FDFT1: variants seen among roughly 807,000 people sequenced by gnomAD.
FDFT1 encodes squalene synthase.
FDFT1 carries 68 observed loss-of-function variants against 46.8 expected under a neutral mutation model. The observed-to-expected ratio is 1.45, with a 90% CI of 1.19 to 1.78. FDFT1 has a LOEUF of 1.78. Ranked by LOEUF, FDFT1 falls within the 40% of genes most tolerant of loss-of-function variation. The pLI, the probability that FDFT1 is intolerant of heterozygous loss-of-function variation, is 0.00. For missense variants in FDFT1, 928 were observed against 524.4 expected (o/e 1.77, Z -7.52); for synonymous variants, 351 against 185.1 (o/e 1.90, Z -7.28).
intron 1 of FDFT1, chr8:11,808,354 G>C: frequency 8.1e-7 from 1 of 1,235,042 alleles, no homozygotes; most frequent in Non-Finnish European, 1.0e-6. Flanking sequence ...CGCCGGTGCG[G>C]AGCGGGAGGC....
At chr8:11,836,567 TTC>T (rs1248923320) in intron 7 of FDFT1, among the ~76,000 whole-genome samples, 2 of 152,252 alleles carry the variant, frequency 1.3e-5, no homozygotes, top group Non-Finnish European at 2.9e-5. Context: ...CCTTCCTGCC[TTC>T]TGTTTCACTT....
intron 3 of FDFT1, among the ~76,000 whole-genome samples, chr8:11,817,226 A>T (rs527719571): frequency 6.6e-6 from 1 of 152,294 alleles, no homozygotes; most frequent in South Asian, 2.1e-4. Flanking sequence ...AGCCGACTTG[A>T]TCGTGGTGGA....
chr8:11,802,695 CG>C (rs1646776629), upstream of FDFT1: 1 of 671,090 alleles, frequency 1.5e-6, no homozygotes, highest in Non-Finnish European at 2.5e-6. Context: ...GAGCGGCGGG[CG>C]GGGCGTCGCC....
intron 1 of FDFT1, chr8:11,803,681 G>A (rs1165118425): frequency 3.2e-6 from 1 of 312,094 alleles, no homozygotes; most frequent in Non-Finnish European, 5.6e-6. Flanking sequence ...GACCAGCCTG[G>A]CTGATTTCTG....
chr8:11,809,288 C>G (rs760554389), intron 2 of FDFT1: 15 of 1,095,718 alleles, frequency 1.4e-5, no homozygotes, highest in Admixed American at 4.7e-5. Flanking sequence ...GACCAGTTGC[C>G]TTTATGTATG....
chr8:11,819,795 T>C (rs1245960540), intron 3 of FDFT1, among the ~76,000 whole-genome samples: 2 of 152,124 alleles, frequency 1.3e-5, no homozygotes, highest in African/African-American at 2.4e-5. Flanking sequence ...CAGAACGTGC[T>C]GCTTTAGCTT....
rs1468805432 is a variant in FDFT1 at position 11,824,824 on chromosome 8, C to T, written c.511-1200C>T. 2.6e-5 allele frequency among the ~76,000 whole-genome samples: 4 copies of T among 152,126 alleles called. No individual in the cohort carries two copies. The East Asian group carries it at 5.8e-4, about 22-fold the overall frequency. On this transcript the variant is annotated intron_variant, in intron 4 of 7. Coordinates refer to ENST00000220584, the MANE Select transcript of FDFT1 (RefSeq NM_004462.5). Reference sequence around the variant, plus strand: ...GATCTCGGCTCCCTGCAAGCTCCACCTCCTGGGTTCACGCCATTCTCCTGC... The same window carrying T: ...GATCTCGGCTCCCTGCAAGCTCCACTTCCTGGGTTCACGCCATTCTCCTGC...
intron 5 of FDFT1, among the ~76,000 whole-genome samples, chr8:11,826,810 C>G (rs532162709): frequency 3.6e-4 from 55 of 152,200 alleles, no homozygotes; most frequent in African/African-American, 1.3e-3. Context: ...GTGAGACTCC[C>G]TCTCAAAAGA....
intron 4 of FDFT1, among the ~76,000 whole-genome samples, chr8:11,822,616 C>G (rs1249221753): frequency 1.3e-5 from 2 of 152,092 alleles, no homozygotes; most frequent in African/African-American, 2.4e-5. Context: ...GAGTTAGACA[C>G]AAGCCTAAGC....
intron 1 of FDFT1, among the ~76,000 whole-genome samples, chr8:11,804,460 C>T (rs1806549396): frequency 6.6e-6 from 1 of 151,902 alleles, no homozygotes. Context: ...TAATATGGTG[C>T]AGTATTTGTT....
At chr8:11,808,592 G>A (rs1342789636) in intron 1 of FDFT1, 2 of 1,386,518 alleles carry the variant, frequency 1.4e-6, no homozygotes, top group African/African-American at 1.5e-5. Context: ...CCGCCGCGGC[G>A]CCCAGGGGCC....
chr8:11,803,177 G>C (rs1041144896), intron 1 of FDFT1: 13 of 1,419,346 alleles, frequency 9.2e-6, no homozygotes, highest in African/African-American at 1.4e-5. Context: ...GTGGTTCCCG[G>C]TGGTTGCGCT....
intron 3 of FDFT1, among the ~76,000 whole-genome samples, chr8:11,821,479 T>A (rs1809235297): frequency 6.6e-6 from 1 of 152,138 alleles, no homozygotes; most frequent in Non-Finnish European, 1.5e-5. Context: ...TAATGCCAGC[T>A]CCTGGAGAGG....
At chr8:11,835,188 C>A (rs1358721220) in intron 7 of FDFT1, among the ~76,000 whole-genome samples, 1 of 152,210 alleles carries the variant, frequency 6.6e-6, no homozygotes, top group Non-Finnish European at 1.5e-5. Flanking sequence ...CGGCTATGAC[C>A]TGTCCTTGAC....
intron 4 of FDFT1, among the ~76,000 whole-genome samples, chr8:11,824,844 TCCTG>T (rs1324467805): frequency 6.6e-6 from 1 of 152,172 alleles, no homozygotes; most frequent in African/African-American, 2.4e-5. Flanking sequence ...CACGCCATTC[TCCTG>T]CCTTAGCCTT....
chr8:11,808,122 C>G, intron 1 of FDFT1: 4 of 392,360 alleles, frequency 1.0e-5, no homozygotes, highest in Non-Finnish European at 1.4e-5. Context: ...GGATTCTGGT[C>G]AAATCAATTT....
At chr8:11,819,829 T>G (rs1808974700) in intron 3 of FDFT1, among the ~76,000 whole-genome samples, 2 of 152,122 alleles carry the variant, frequency 1.3e-5, no homozygotes. Context: ...ATTACCAACC[T>G]TCTGAAGCCT....
chr8:11,818,503 T>C (rs1808774326), intron 3 of FDFT1, among the ~76,000 whole-genome samples: 1 of 152,204 alleles, frequency 6.6e-6, no homozygotes, highest in African/African-American at 2.4e-5. Flanking sequence ...TTTAAGTCTT[T>C]TTCTAGGTCT....
At chr8:11,809,888 G>A (rs1171633683) in intron 3 of FDFT1, 38 bp downstream of exon 3, 2 of 1,511,444 alleles carry the variant, frequency 1.3e-6, no homozygotes, top group Non-Finnish European at 1.8e-6. Context: ...GGACTGTTGT[G>A]TTCATAATTG....
Sources: gnomAD v4.1 joint callset for allele counts (sites outside exome capture counted in the v4.1 genomes callset) on GRCh38, gnomAD v4.1.1 for gene constraint, MANE v1.5 for transcripts, NCBI Gene and HGNC (gene_info 2026-07-23, HGNC 2026-07-21) for gene names.